Variants in PCGF3 observed in about 807,000 individuals in gnomAD.
PCGF3 encodes the protein polycomb group RING finger protein 3.
In PCGF3, 7 loss-of-function variants were observed where a neutral mutation model predicts 33.1. The observed-to-expected ratio is 0.21, with a 90% CI of 0.12 to 0.40. The LOEUF (loss-of-function observed/expected upper bound fraction) is 0.40, where lower values mean the gene tolerates loss of function less well. Ranked by LOEUF, PCGF3 falls within the 10% of genes least tolerant of loss-of-function variation. PCGF3 has a pLI of 1.00. For missense variants in PCGF3, 211 were observed against 313.3 expected (o/e 0.67, Z 2.46); for synonymous variants, 153 against 121.3 (o/e 1.26, Z -1.72).
chr4:752,150 A>G (rs1016752572), intron 8 of PCGF3, among the ~76,000 whole-genome samples: 1 of 152,172 alleles, frequency 6.6e-6, no homozygotes, highest in Non-Finnish European at 1.5e-5. Context: ...CGTTTCCCAC[A>G]CTTGACCTTG....
At chr4:754,886 T>G (rs1373377517) in intron 8 of PCGF3, among the ~76,000 whole-genome samples, 1 of 152,036 alleles carries the variant, frequency 6.6e-6, no homozygotes, top group Admixed American at 6.6e-5. Context: ...CAGCACTGGG[T>G]TTGGGGCATA....
Position 720,547 on chromosome 4 carries a change from G to A in PCGF3, c.-189-10083G>A, listed in dbSNP as rs987419090. ...TGGCTGGGAGGACGGCAAGGCTGAT[G>A]TGGACGCAGCCCCGACGTGAACAGG... On this transcript the variant is annotated intron_variant, in intron 1 of 10. Transcript: ENST00000362003. This position sits in a 1 kb window ranked among gnomAD's most constrained non-coding sequence, Gnocchi z 5.6. 1.3e-5 allele frequency among the ~76,000 whole-genome samples: 2 copies of A among 152,202 alleles called. No homozygotes were observed. Among genetic ancestry groups the A allele is most frequent in the South Asian group, 4.1e-4 (2 of 4,832 alleles).
At chr4:708,357 C>A (rs1742424260) in intron 1 of PCGF3, among the ~76,000 whole-genome samples, 1 of 152,130 alleles carries the variant, frequency 6.6e-6, no homozygotes. Context: ...CAAGACTGGA[C>A]TGTAAGGAGT....
intron 9 of PCGF3, 44 bp downstream of exon 9, chr4:761,460 T>C (rs1490981508): frequency 1.3e-6 from 2 of 1,521,192 alleles, no homozygotes; most frequent in East Asian, 4.8e-5. Context: ...AGTCCTCTCT[T>C]ATTTCTAAAG....
At chr4:756,216 C>CTT (rs34956842) in intron 8 of PCGF3, among the ~76,000 whole-genome samples, 14 of 120,384 alleles carry the variant, frequency 1.2e-4, no homozygotes, top group Non-Finnish European at 2.3e-4. Flanking sequence ...CCGCACTTGG[C>CTT]TTTTTTTTTT....
chr4:721,010 G>C lies in PCGF3; in HGVS notation c.-189-9620G>C, dbSNP rs374303528. The stretch of plus-strand genomic sequence containing the variant: ...AAGGAGGAGATGACCCCATGGGCAA[G>C]CAGGAGCTCAGATGGGAGGCATGGA... On this transcript the variant is annotated intron_variant, in intron 1 of 10. Coordinates refer to ENST00000362003, the Ensembl canonical transcript of PCGF3. This position sits in a 1 kb window ranked among gnomAD's most constrained non-coding sequence, Gnocchi z 4.1. Among the ~76,000 whole-genome samples, 128 of 152,278 alleles carry C rather than the reference G, an allele frequency of 8.4e-4. No individual in the cohort carries two copies. The highest frequency in any genetic ancestry group is 2.5e-3 in the African/African-American group (102 of 41,552).
intron 6 of PCGF3, among the ~76,000 whole-genome samples, chr4:740,983 C>G (rs1444573731): frequency 1.3e-5 from 2 of 152,198 alleles, no homozygotes; most frequent in Non-Finnish European, 2.9e-5. Context: ...AGGGGACTTT[C>G]AGGGCTGCAC....
intron 5 of PCGF3, among the ~76,000 whole-genome samples, chr4:736,648 G>A (rs534409307): frequency 2.5e-5 from 3 of 121,146 alleles, no homozygotes; most frequent in South Asian, 3.1e-4. Context: ...CAGGGAACCC[G>A]TGGTGTCCAC....
intron 9 of PCGF3, chr4:761,729 G>A (rs1316647674): frequency 6.1e-6 from 6 of 985,344 alleles, no homozygotes; most frequent in African/African-American, 1.7e-5. Flanking sequence ...AATTTCACAA[G>A]GGGAGACATG....
chr4:716,855 CTG>C (rs199752950), intron 1 of PCGF3, among the ~76,000 whole-genome samples: 4 of 138,300 alleles, frequency 2.9e-5, no homozygotes, highest in South Asian at 2.4e-4. Context: ...CCTCTAGACA[CTG>C]TGAGTGTGAG....
chr4:737,372 G>A (rs1391714866), intron 5 of PCGF3, 94 bp from the exon 6 acceptor site: 1 of 839,904 alleles, frequency 1.2e-6, no homozygotes, highest in African/African-American at 1.7e-5. Context: ...CTCCAGACTG[G>A]TGATTCTGAA....
At chr4:727,253 T>TTTTTTG (rs1743370278) in intron 1 of PCGF3, among the ~76,000 whole-genome samples, 1 of 142,828 alleles carries the variant, frequency 7.0e-6, no homozygotes, top group Non-Finnish European at 1.5e-5. Flanking sequence ...TTTTTTTTTT[T>TTTTTTG]TTTTTGAGAT....
intron 8 of PCGF3, among the ~76,000 whole-genome samples, chr4:755,407 CT>C: frequency 6.6e-6 from 1 of 152,278 alleles, no homozygotes; most frequent in South Asian, 2.1e-4. Flanking sequence ...CATCTCTGTC[CT>C]GGGAAGACTG....
chr4:738,051 G>T (rs1297714728), intron 6 of PCGF3, among the ~76,000 whole-genome samples: 1 of 152,252 alleles, frequency 6.6e-6, no homozygotes, highest in Non-Finnish European at 1.5e-5. Context: ...CCCAGCTCCC[G>T]ACACTCTCAC....
In PCGF3 at chr4:737,529, T is replaced by G. The variant is rs538148298; in HGVS notation, c.262+8T>G. 2.7e-5 allele frequency: 42 copies of G among 1,570,948 alleles called. 1 individual carries two copies. In the South Asian group the frequency reaches 4.4e-4, roughly 17 times the overall value. ...TACCAGGCCTCCAAGAAGGTGAGTG[T>G]CTGACTGTCTTGCTGATCCCTGAGG... is the stretch of plus-strand genomic sequence containing the variant. On this transcript the variant is annotated splice_region_variant and intron_variant, in intron 6 of 10. Coordinates refer to ENST00000362003, the Ensembl canonical transcript of PCGF3.
At chr4:740,931 T>C (rs1322129888) in intron 6 of PCGF3, among the ~76,000 whole-genome samples, 1 of 152,150 alleles carries the variant, frequency 6.6e-6, no homozygotes, top group Non-Finnish European at 1.5e-5. Context: ...GTCACTGCAT[T>C]GGGACGTTTT....
chr4:747,492 CG>C (rs1159448706), intron 8 of PCGF3, among the ~76,000 whole-genome samples: 1 of 15,440 alleles, frequency 6.5e-5, no homozygotes, highest in Admixed American at 4.4e-4. Context: ...GGGCGGGGCC[CG>C]GGGGTCGCTG....
At chr4:760,140 G>GT (rs888861115) in intron 8 of PCGF3, among the ~76,000 whole-genome samples, 13 of 152,358 alleles carry the variant, frequency 8.5e-5, no homozygotes, top group African/African-American at 3.1e-4. Flanking sequence ...GCTGTGCTCA[G>GT]TGACTGCACC....
chr4:765,833 GCACATGTCTTCCTA>G (rs1291983541), intron 10 of PCGF3, among the ~76,000 whole-genome samples, 185 bp from the exon 11 acceptor site: 2 of 152,280 alleles, frequency 1.3e-5, no homozygotes, highest in South Asian at 2.1e-4. Context: ...AGGGGAGAGG[GCACATGTCTTCCTA>G]GCCCGTCTTC....
Sources: allele counts gnomAD v4.1 joint callset (sites outside exome capture counted in the v4.1 genomes callset), GRCh38; gene constraint gnomAD v4.1.1; non-coding constraint Gnocchi (gnomAD v3.1); transcripts MANE v1.5; gene names NCBI Gene and HGNC (gene_info 2026-07-23, HGNC 2026-07-21).